The following IGSF21 variants were observed in gnomAD, a reference collection of about 807,000 sequenced individuals.
The protein encoded by IGSF21 is immunoglobin superfamily member 21, also known as immunoglobulin superfamily member 21.
In IGSF21, 28 loss-of-function variants were observed where a neutral mutation model predicts 46.8. The ratio of observed to expected loss-of-function variants is 0.60; its 90% CI spans 0.44 to 0.82. The LOEUF (loss-of-function observed/expected upper bound fraction) is 0.82, where lower values mean the gene tolerates loss of function less well. Among genes scored for constraint, IGSF21 ranks in the 40% least tolerant of loss-of-function variants. The pLI is 0.00. For missense variants in IGSF21, 624 were observed against 665.5 expected (o/e 0.94, Z 0.69); for synonymous variants, 284 against 273.6 (o/e 1.04, Z -0.38).
intron 2 of IGSF21, among the ~76,000 whole-genome samples, chr1:18,247,980 C>A (rs931828711): frequency 6.6e-6 from 1 of 152,156 alleles, no homozygotes. Context: ...CGCAGTCTGC[C>A]CAGGCAAATA....
intron 2 of IGSF21, among the ~76,000 whole-genome samples, chr1:18,230,468 T>G (rs1254218967): frequency 6.6e-6 from 1 of 152,154 alleles, no homozygotes; most frequent in Non-Finnish European, 1.5e-5. Context: ...AGCAGGCATA[T>G]GCAGATGTAT....
At chr1:18,164,079 AT>A (rs2086654973) in intron 1 of IGSF21, among the ~76,000 whole-genome samples, 1 of 152,202 alleles carries the variant, frequency 6.6e-6, no homozygotes, top group African/African-American at 2.4e-5. Flanking sequence ...GATGATGACA[AT>A]AATGATAGAA....
chr1:18,199,864 G>A (rs1412203398), intron 1 of IGSF21, among the ~76,000 whole-genome samples: 4 of 152,092 alleles, frequency 2.6e-5, no homozygotes, highest in Non-Finnish European at 4.4e-5. Flanking sequence ...CTCTTGCTTG[G>A]GGGCTCACAC....
At chr1:18,315,760 T>C (rs1569794496) in intron 3 of IGSF21, among the ~76,000 whole-genome samples, 1 of 151,546 alleles carries the variant, frequency 6.6e-6, no homozygotes, top group African/African-American at 2.4e-5. Flanking sequence ...GGTAAGTGGG[T>C]GAACGGATAG....
intron 1 of IGSF21, among the ~76,000 whole-genome samples, chr1:18,141,911 A>T (rs2086418557): frequency 6.6e-6 from 1 of 152,014 alleles, no homozygotes; most frequent in Non-Finnish European, 1.5e-5. Flanking sequence ...TTCTACAAAA[A>T]ATACAAAAAT....
rs533509909 is a variant in IGSF21, at chr1:18,319,625, C to T, written c.306-15267C>T. Among the ~76,000 whole-genome samples, 19 of 152,056 alleles carry T rather than the reference C, an allele frequency of 1.2e-4. 1 individual carries two copies. The highest frequency in any genetic ancestry group is 3.3e-4 in the Admixed American group (5 of 15,286). ...TTCCAAGGAATTCACTAGGAGATGA[C>T]GAATGTAAGTATGTCTAGCAAAGTT... On this transcript the variant is annotated intron_variant, in intron 3 of 9. Transcript: ENST00000251296.
intron 6 of IGSF21, among the ~76,000 whole-genome samples, chr1:18,367,419 G>A (rs2086177340): frequency 6.6e-6 from 1 of 151,980 alleles, no homozygotes; most frequent in African/African-American, 2.4e-5. Flanking sequence ...AGAGTACTTT[G>A]CCAAGTCGTT....
At chr1:18,332,996 G>A (rs563302597) in intron 3 of IGSF21, among the ~76,000 whole-genome samples, 1 of 152,310 alleles carries the variant, frequency 6.6e-6, no homozygotes, top group Non-Finnish European at 1.5e-5. Context: ...AGGTTATGTT[G>A]CTCTGCAAAA....
rs369705930 is a variant in IGSF21 at position 18,114,884 on chromosome 1, C to T, written c.70+6686C>T. The T allele has an allele frequency of 1.8e-4, 27 of 152,192 alleles. 3 individuals are homozygous for T. The highest frequency in any genetic ancestry group is 1.4e-3 in the Admixed American group (21 of 15,278). The allele number at this position is 152,192 out of a possible 1,614,324, so 9.4% of individuals were successfully genotyped here. A position where few individuals can be genotyped will look rare whatever the true frequency, so the allele number is the denominator to read the frequency against. On this transcript the variant is annotated intron_variant, in intron 1 of 9. Coordinates refer to ENST00000251296, the MANE Select transcript of IGSF21 (RefSeq NM_032880.5). ...CACAGGGGTCTGGCATGAGACAGGT[C>T]AGTTTCCCATGTGCTTACAGGCCAG...
At chr1:18,215,319 G>A (rs989127511) in intron 1 of IGSF21, among the ~76,000 whole-genome samples, 2 of 152,198 alleles carry the variant, frequency 1.3e-5, no homozygotes, top group Non-Finnish European at 2.9e-5. Flanking sequence ...AACACGCAAA[G>A]CACTAAGAAT....
intron 9 of IGSF21, 27 bp from the exon 10 acceptor site, chr1:18,378,229 T>G (rs1301686143): frequency 6.2e-7 from 1 of 1,604,798 alleles, no homozygotes; most frequent in South Asian, 1.1e-5. Flanking sequence ...CTGCAGGCTC[T>G]GACCCTTTCC....
intron 2 of IGSF21, among the ~76,000 whole-genome samples, chr1:18,246,771 GA>G (rs754758783): frequency 2.0e-5 from 3 of 152,200 alleles, no homozygotes; most frequent in South Asian, 2.1e-4. Flanking sequence ...ACAGGCTTGG[GA>G]GCCTCCCAGG....
intron 1 of IGSF21, among the ~76,000 whole-genome samples, chr1:18,149,696 C>T (rs1019045656): frequency 6.6e-6 from 1 of 151,938 alleles, no homozygotes; most frequent in African/African-American, 2.4e-5. Flanking sequence ...AGGCTTCCTT[C>T]GGGGCAGGAT....
chr1:18,180,292 G>A (rs533090752), intron 1 of IGSF21, among the ~76,000 whole-genome samples: 47 of 152,168 alleles, frequency 3.1e-4, no homozygotes, highest in African/African-American at 8.7e-4. Context: ...TGCCATGCAG[G>A]GTGCTCAAAA....
chr1:18,363,285 C>T (rs912444919), intron 5 of IGSF21, among the ~76,000 whole-genome samples: 3 of 152,198 alleles, frequency 2.0e-5, no homozygotes, highest in Admixed American at 6.5e-5. Flanking sequence ...CAGTTCAAGA[C>T]GGGAGCCAAA....
At chr1:18,153,405 A>G (rs1464402453) in intron 1 of IGSF21, among the ~76,000 whole-genome samples, 1 of 152,190 alleles carries the variant, frequency 6.6e-6, no homozygotes, top group Non-Finnish European at 1.5e-5. Flanking sequence ...CGGGGCTCAG[A>G]GCTGCTCAGA....
chr1:18,222,699 G>A (rs1261691268), intron 1 of IGSF21, among the ~76,000 whole-genome samples: 1 of 152,172 alleles, frequency 6.6e-6, no homozygotes, highest in Non-Finnish European at 1.5e-5. Flanking sequence ...GAGGTACATG[G>A]GTGGAGAAGA....
At chr1:18,219,184 G>A (rs2084482399) in intron 1 of IGSF21, among the ~76,000 whole-genome samples, 1 of 152,236 alleles carries the variant, frequency 6.6e-6, no homozygotes, top group Admixed American at 6.5e-5. Flanking sequence ...AGGGTAATAA[G>A]TCAGAGAGTG....
At position 18,365,417 on chromosome 1, in the gene IGSF21, C is replaced by A; in HGVS notation, c.735C>A (p.Arg245=). The change falls in exon 6 of 10, where the codon CGC becomes CGA. Residue 245 remains arginine, a synonymous_variant. Coordinates refer to ENST00000251296, the MANE Select transcript of IGSF21 (RefSeq NM_032880.5). The surrounding 1 kb of genome is among the most constrained non-coding windows in gnomAD (Gnocchi z 4.8). ...GGGGTGGGCGACCCTACACGGAGCGCCCCTCCCGTGGCCTGACCCCAGATC... is the reference window on the plus strand; with the variant it reads ...GGGGTGGGCGACCCTACACGGAGCGACCCTCCCGTGGCCTGACCCCAGATC... The part of the protein sequence containing the change: ...ENRGGRPYTE[R]PSRGLTPDPN... The A allele has an allele frequency of 6.2e-7, 1 of 1,614,054 alleles. No homozygotes were observed. The highest frequency in any genetic ancestry group is 8.5e-7 in the Non-Finnish European group (1 of 1,180,014).
Sources: allele counts gnomAD v4.1 joint callset (sites outside exome capture counted in the v4.1 genomes callset), GRCh38; gene constraint gnomAD v4.1.1; non-coding constraint Gnocchi (gnomAD v3.1); transcripts MANE v1.5; gene names NCBI Gene and HGNC (gene_info 2026-07-23, HGNC 2026-07-21).